HS6ST3: variants seen among roughly 807,000 people sequenced by gnomAD.
HS6ST3 encodes the protein heparan-sulfate 6-O-sulfotransferase 3.
Under a neutral mutation model 36.7 loss-of-function variants are expected in HS6ST3, and 12 were observed. The observed-to-expected ratio is 0.33, with a 90% confidence interval of 0.21 to 0.53. HS6ST3 has a LOEUF of 0.53. Among genes scored for constraint, HS6ST3 ranks in the 20% least tolerant of loss-of-function variants. The probability of loss-of-function intolerance (pLI) is 0.95; values close to 1 mark genes in which losing one functional copy is unlikely to be tolerated. For synonymous variants in HS6ST3, 240 were observed against 257.5 expected, an observed-to-expected ratio of 0.93 and a Z score of 0.65; for missense variants, 584 against 640.9, an observed-to-expected ratio of 0.91 and a Z score of 0.96.
chr13:96,612,866 C>G lies in HS6ST3; in HGVS notation c.708-219624C>G, dbSNP rs140465195. ...TGTTACTCTCTAACCTGGCTTCCTT[C>G]CACCCCACTTCTCTCTGGCTTTGCT... is the stretch of plus-strand genomic sequence containing the variant. On this transcript the variant is annotated intron_variant, in intron 1 of 1. Coordinates refer to ENST00000376705, the MANE Select transcript of HS6ST3 (RefSeq NM_153456.4). Among the ~76,000 whole-genome samples the G allele has an allele frequency of 1.3e-4, 20 of 152,258 alleles. No individual in the cohort carries two copies. The East Asian group carries it at 2.5e-3, about 19-fold the overall frequency.
At chr13:96,244,262 T>C (rs2054574568) in intron 1 of HS6ST3, among the ~76,000 whole-genome samples, 1 of 152,154 alleles carries the variant, frequency 6.6e-6, no homozygotes, top group African/African-American at 2.4e-5. Flanking sequence ...GCAACTGAGA[T>C]TAGATAATCT....
chr13:96,241,421 A>C (rs1038398493), intron 1 of HS6ST3, among the ~76,000 whole-genome samples: 12 of 152,134 alleles, frequency 7.9e-5, no homozygotes, highest in African/African-American at 2.9e-4. Context: ...GGACCTATGA[A>C]ATAATTGAAA....
intron 1 of HS6ST3, among the ~76,000 whole-genome samples, chr13:96,661,248 C>T (rs952759308): frequency 6.6e-6 from 1 of 152,082 alleles, no homozygotes; most frequent in Non-Finnish European, 1.5e-5. Context: ...TGAAGTCCCC[C>T]ACCATTATTG....
chr13:96,328,567 G>T (rs2055045960), intron 1 of HS6ST3, among the ~76,000 whole-genome samples: 1 of 151,850 alleles, frequency 6.6e-6, no homozygotes, highest in African/African-American at 2.4e-5. Flanking sequence ...TTGATGTGCT[G>T]CTGGATTCGG....
At chr13:96,636,493 A>T (rs970117155) in intron 1 of HS6ST3, among the ~76,000 whole-genome samples, 1 of 152,146 alleles carries the variant, frequency 6.6e-6, no homozygotes, top group Non-Finnish European at 1.5e-5. Flanking sequence ...TAGAGAAAAG[A>T]GCAGCATGCC....
chr13:96,544,349 C>T (rs1182033382), intron 1 of HS6ST3, among the ~76,000 whole-genome samples: 1 of 152,108 alleles, frequency 6.6e-6, no homozygotes, highest in Non-Finnish European at 1.5e-5. Flanking sequence ...AAATTTAATA[C>T]AGAAAGAGAA....
At chr13:96,348,361 A>G (rs1291679217) in intron 1 of HS6ST3, among the ~76,000 whole-genome samples, 2 of 152,232 alleles carry the variant, frequency 1.3e-5, no homozygotes, top group African/African-American at 4.8e-5. Flanking sequence ...GGCTATTCAC[A>G]TAACACTGAA....
intron 1 of HS6ST3, among the ~76,000 whole-genome samples, chr13:96,736,197 C>T (rs1163014137): frequency 6.6e-6 from 1 of 152,078 alleles, no homozygotes; most frequent in Admixed American, 6.5e-5. Context: ...AACATACCCA[C>T]ACATCCTGCA....
At chr13:96,408,905 CAG>C (rs924640489) in intron 1 of HS6ST3, among the ~76,000 whole-genome samples, 108 of 151,948 alleles carry the variant, frequency 7.1e-4, no homozygotes, top group African/African-American at 2.4e-3. Context: ...GCTTTGGTGA[CAG>C]AGTGAGACTC....
intron 1 of HS6ST3, among the ~76,000 whole-genome samples, chr13:96,319,752 T>C (rs1398086673): frequency 1.3e-5 from 2 of 152,256 alleles, no homozygotes; most frequent in Admixed American, 1.3e-4. Context: ...AAGCTTGTTA[T>C]GACTTTTGCA....
intron 1 of HS6ST3, among the ~76,000 whole-genome samples, chr13:96,203,660 G>A (rs1051115055): frequency 5.3e-5 from 8 of 152,156 alleles, no homozygotes; most frequent in African/African-American, 1.7e-4. Flanking sequence ...GTTCACGTGG[G>A]AAGGATGCTA....
intron 1 of HS6ST3, among the ~76,000 whole-genome samples, chr13:96,640,404 A>G (rs568043766): frequency 6.6e-6 from 1 of 151,872 alleles, no homozygotes; most frequent in South Asian, 2.1e-4. Flanking sequence ...TCCATTTTTA[A>G]TAGAATTATT....
intron 1 of HS6ST3, among the ~76,000 whole-genome samples, chr13:96,252,243 C>T (rs890379863): frequency 2.0e-5 from 3 of 152,188 alleles, no homozygotes; most frequent in Admixed American, 6.5e-5. Context: ...GATGTATTCT[C>T]TTGATGAATT....
intron 1 of HS6ST3, among the ~76,000 whole-genome samples, chr13:96,724,669 A>G (rs7999043): frequency 0.073 from 11,167 of 152,214 alleles, 458 homozygotes; most frequent in African/African-American, 0.099. Context: ...TTCCCTCAGC[A>G]TAGTTTGAGA....
chr13:96,356,140 T>C (rs1027029674), intron 1 of HS6ST3, among the ~76,000 whole-genome samples: 3 of 152,168 alleles, frequency 2.0e-5, no homozygotes, highest in African/African-American at 7.2e-5. Flanking sequence ...AGAGAACTAA[T>C]TCTAGTTCTC....
At chr13:96,323,935 C>T (rs573330292) in intron 1 of HS6ST3, among the ~76,000 whole-genome samples, 24 of 152,238 alleles carry the variant, frequency 1.6e-4, no homozygotes, top group Admixed American at 1.3e-3. Flanking sequence ...TAGTTGTTGT[C>T]GCAGGAATAC....
intron 1 of HS6ST3, among the ~76,000 whole-genome samples, chr13:96,312,563 A>C (rs1358921955): frequency 6.6e-6 from 1 of 152,112 alleles, no homozygotes; most frequent in Non-Finnish European, 1.5e-5. Flanking sequence ...AAATCTCCTT[A>C]ATAAAATTAA....
chr13:96,332,020 A>C (rs999738521), intron 1 of HS6ST3, among the ~76,000 whole-genome samples: 1 of 152,218 alleles, frequency 6.6e-6, no homozygotes, highest in Non-Finnish European at 1.5e-5. Flanking sequence ...AAGTGAGGCA[A>C]TGCCTCGCCT....
Position 96,702,819 on chromosome 13 carries a change from G to A in HS6ST3, c.708-129671G>A, listed in dbSNP as rs540779812. ...TTCACAAGGCATATTAGCTGGACAC[G>A]AGTAAAAGGGGTGAGAGATGAAGAG... is the stretch of plus-strand genomic sequence containing the variant. On this transcript the variant is annotated intron_variant, in intron 1 of 1. Coordinates refer to ENST00000376705, the MANE Select transcript of HS6ST3 (RefSeq NM_153456.4). Among the ~76,000 whole-genome samples, 14 of 152,298 alleles carry A rather than the reference G, an allele frequency of 9.2e-5. No individual in the cohort carries two copies. The South Asian group carries it at 2.5e-3, about 27-fold the overall frequency.
Sources: allele counts gnomAD v4.1 joint callset (sites outside exome capture counted in the v4.1 genomes callset), GRCh38; gene constraint gnomAD v4.1.1; transcripts MANE v1.5; gene names NCBI Gene and HGNC (gene_info 2026-07-23, HGNC 2026-07-21).